ADA: variants seen among roughly 807,000 people sequenced by gnomAD.
ADA encodes the protein adenosine aminohydrolase.
A neutral mutation model predicts 49.0 loss-of-function variants in ADA; 45 were observed. The observed-to-expected ratio is 0.92, with a 90% CI of 0.72 to 1.18. The LOEUF is 1.18. Ranked by LOEUF, ADA falls within the 50% of genes most tolerant of loss-of-function variation. The pLI, the probability that ADA is intolerant of heterozygous loss-of-function variation, is 0.00. For missense variants in ADA, 445 were observed against 472.5 expected (o/e 0.94, Z 0.54); for synonymous variants, 173 against 184.2 (o/e 0.94, Z 0.49).
intron 1 of ADA, among the ~76,000 whole-genome samples, chr20:44,644,911 C>A (rs750993961): frequency 6.6e-6 from 1 of 152,212 alleles, no homozygotes; most frequent in Non-Finnish European, 1.5e-5. Flanking sequence ...AGCATAGGGA[C>A]TCAGCACACT....
chr20:44,619,876 A>T, intron 11 of ADA, 29 bp from the exon 12 acceptor site: 3 of 1,614,170 alleles, frequency 1.9e-6, no homozygotes, highest in Non-Finnish European at 2.5e-6. Context: ...AAGCAAAAAG[A>T]TCAGGCAACT....
chr20:44,626,495 G>T lies in ADA; in HGVS notation c.323C>A (p.Ala108Asp), dbSNP rs62207808. 1.9e-6 allele frequency: 3 copies of T among 1,614,100 alleles called. No individual in the cohort carries two copies. The highest frequency in any genetic ancestry group is 2.5e-6 in the Non-Finnish European group (3 of 1,180,032). The change falls in exon 4 of 12, where the codon GCC (alanine) becomes GAC (aspartate). Residue 108 changes from alanine to aspartate, a missense_variant. Physicochemically the swap from Ala to Asp is moderately radical, Grantham distance 126 (BLOSUM62 -2). Transcript: ENST00000372874. ...GGGGATTGGCTCCACTTTGGAGTTG[G>T]CCAGCAGGTGCGGACTGTACCGCAC... is the stretch of plus-strand genomic sequence containing the variant. Reference protein sequence around the residue: ...VEVRYSPHLLANSKVEPIPWN... With the variant: ...VEVRYSPHLLDNSKVEPIPWN...
chr20:44,629,160 C>T lies in ADA; in HGVS notation c.105G>A (p.Gly35=). 2 of 1,614,192 alleles carry T rather than the reference C, an allele frequency of 1.2e-6. No individual in the cohort carries two copies. Among genetic ancestry groups the T allele is most frequent in the South Asian group, 2.2e-5 (2 of 91,088 alleles). ...CTGCTGTGTTAGCTGGGAGGGCGAT[C>T]CCTCTCCTCCTGGAAACAAAACAGT... ...ETILYYGRRR[G]IALPANTAEG... The change falls in exon 3 of 12, where the codon GGG becomes GGA. Residue 35 remains glycine (G), a synonymous_variant. Coordinates refer to ENST00000372874, the MANE Select transcript of ADA (RefSeq NM_000022.4).
chr20:44,619,581 C>G lies in ADA; in HGVS notation c.*253G>C. On this transcript the variant is annotated 3_prime_UTR_variant, in exon 12 of 12. Transcript: ENST00000372874. Reference sequence around the variant, plus strand: ...ACCAGATTTTCAGTACAAGTTGCCACAGAAGGAGGGTTTCAGATTCAACCA... The same window carrying G: ...ACCAGATTTTCAGTACAAGTTGCCAGAGAAGGAGGGTTTCAGATTCAACCA... 2.0e-6 allele frequency: 1 copy of G among 502,558 alleles called. No individual in the cohort carries two copies. The highest frequency in any genetic ancestry group is 2.1e-5 in the South Asian group (1 of 46,692). 31.1% of individuals were successfully genotyped at this position (502,558 alleles called of 1,614,324 possible). A position where few individuals can be genotyped will look rare whatever the true frequency, so the allele number is the denominator to read the frequency against.
chr20:44,651,278 G>A (rs979709116), intron 1 of ADA, among the ~76,000 whole-genome samples: 3 of 152,214 alleles, frequency 2.0e-5, no homozygotes, highest in Non-Finnish European at 4.4e-5. Context: ...CCCTGCCCAG[G>A]CCCACACAGC....
At chr20:44,639,172 A>T (rs540539421) in intron 1 of ADA, among the ~76,000 whole-genome samples, 32 of 152,304 alleles carry the variant, frequency 2.1e-4, no homozygotes, top group African/African-American at 7.5e-4. Context: ...TACTGCAGCC[A>T]TTTGAAAGAT....
At position 44,651,572 on chromosome 20, in the gene ADA, C is replaced by T. The variant is rs774061553; in HGVS notation, c.33+3G>A. 1.4e-5 allele frequency: 22 copies of T among 1,540,532 alleles called. No individual in the cohort carries two copies. The African/African-American group carries it at 2.3e-4, about 16-fold the overall frequency. On this transcript the variant is annotated splice_donor_region_variant and intron_variant, in intron 1 of 11. Coordinates refer to ENST00000372874, the MANE Select transcript of ADA (RefSeq NM_000022.4). ...CGTCCCCGGAGCCCCCGCGCGCGCT[C>T]ACTTTGGGCTTGTCGAAGGCGGGCG...
chr20:44,634,180 G>A (rs576195188), intron 2 of ADA, among the ~76,000 whole-genome samples: 3 of 152,328 alleles, frequency 2.0e-5, no homozygotes, highest in African/African-American at 7.2e-5. Flanking sequence ...ATGAGTGCCT[G>A]GGTTCGATCT....
rs114025668 is a variant in ADA at position 44,623,042 on chromosome 20, C to T, written c.643G>A (p.Ala215Thr). The change falls in exon 7 of 12, where the codon GCC (alanine) becomes ACC (threonine). Residue 215 changes from alanine (A) to threonine (T), a missense_variant. Ala to Thr is a moderately conservative substitution (Grantham distance 58). Transcript: ENST00000372874. ...ACTTCGGCCGAGCCCACCTCCCCGG[C>T]GTGGACAGTACGGTGAATGCCGCTC... is the stretch of plus-strand genomic sequence containing the variant. ...VKSGIHRTVH[A>T]GEVGSAEVVK... is the part of the protein sequence containing the mutation. The T allele has an allele frequency of 6.1e-5, 99 of 1,614,108 alleles. No individual in the cohort carries two copies. In the African/African-American group the frequency reaches 7.5e-4, roughly 12 times the overall value.
intron 1 of ADA, among the ~76,000 whole-genome samples, chr20:44,648,564 T>A (rs1490221290): frequency 6.6e-6 from 1 of 152,024 alleles, no homozygotes; most frequent in Non-Finnish European, 1.5e-5. Context: ...AACTGCATGA[T>A]TTGCAAGTGG....
At chr20:44,623,888 C>T (rs2065356778) in intron 6 of ADA, 1 of 417,914 alleles carries the variant, frequency 2.4e-6, no homozygotes, top group African/African-American at 2.0e-5. Flanking sequence ...GCTGGGACTA[C>T]AGGCATGCAC....
At chr20:44,624,475 T>A in intron 5 of ADA, 146 bp from the exon 6 acceptor site, 1 of 1,116,172 alleles carries the variant, frequency 9.0e-7, no homozygotes, top group Non-Finnish European at 1.3e-6. Context: ...TGCTATGTCC[T>A]AACCACATGG....
chr20:44,637,388 G>A (rs1304880256), intron 1 of ADA, among the ~76,000 whole-genome samples: 1 of 152,184 alleles, frequency 6.6e-6, no homozygotes, highest in Non-Finnish European at 1.5e-5. Flanking sequence ...ATAGCCCAAA[G>A]GAAACAGCCC....
At chr20:44,647,327 T>C (rs1367355467) in intron 1 of ADA, among the ~76,000 whole-genome samples, 1 of 151,800 alleles carries the variant, frequency 6.6e-6, no homozygotes, top group Non-Finnish European at 1.5e-5. Context: ...TTCCAGCTAC[T>C]TGGGAGGCTG....
chr20:44,629,842 G>T (rs1024933021), intron 2 of ADA, among the ~76,000 whole-genome samples: 1 of 152,154 alleles, frequency 6.6e-6, no homozygotes, highest in Non-Finnish European at 1.5e-5. Flanking sequence ...CTGGCTTGGA[G>T]CCTCCATTTC....
At chr20:44,635,491 G>A (rs1008442881) in intron 2 of ADA, among the ~76,000 whole-genome samples, 3 of 152,172 alleles carry the variant, frequency 2.0e-5, no homozygotes, top group South Asian at 2.1e-4. Context: ...TCTTCCAAGC[G>A]TGGAGGAATT....
intron 2 of ADA, 64 bp from the exon 3 acceptor site, chr20:44,629,233 A>G: frequency 6.2e-7 from 1 of 1,609,594 alleles, no homozygotes; most frequent in Non-Finnish European, 8.5e-7. Context: ...CTGACAGGCC[A>G]GGATGGAGCA....
chr20:44,620,594 A>G lies in ADA; in HGVS notation c.976-193T>C, dbSNP rs1042734494. The G allele has an allele frequency of 2.5e-5, 16 of 652,646 alleles. No homozygotes were observed. In the Admixed American group the frequency reaches 3.4e-4, roughly 14 times the overall value. The allele number at this position is 652,646 out of a possible 1,614,324, so 40.4% of individuals were successfully genotyped here. On this transcript the variant is annotated intron_variant, in intron 10 of 11. Transcript: ENST00000372874. ...GGTCGTGTTCTTAATTTGTCATTACATGAAAAAGGGCTGTGAGAAGGAAGT... is the reference window on the plus strand; with the variant it reads ...GGTCGTGTTCTTAATTTGTCATTACGTGAAAAAGGGCTGTGAGAAGGAAGT...
chr20:44,623,055 GT>G lies in ADA; in HGVS notation c.629del (p.His210ProfsTer14). The G allele has an allele frequency of 6.2e-7, 1 of 1,614,128 alleles. No homozygotes were observed. Among genetic ancestry groups the G allele is most frequent in the East Asian group, 2.2e-5 (1 of 44,876 alleles). On this transcript the variant is annotated frameshift_variant, in exon 7 of 12. Transcript: ENST00000372874. LOFTEE classifies it high-confidence loss of function. ...AYQEAVKSGI[H>X]RTVHAGEVGS... ...CCACCTCCCCGGCGTGGACAGTACG[GT>G]GAATGCCGCTCTTCACAGCCTCCTG...
Sources: gnomAD v4.1 joint callset for allele counts (sites outside exome capture counted in the v4.1 genomes callset) on GRCh38, gnomAD v4.1.1 for gene constraint, MANE v1.5 for transcripts, NCBI Gene and HGNC (gene_info 2026-07-23, HGNC 2026-07-21) for gene names.